Variants in DLG5 observed in about 807,000 individuals in gnomAD.
DLG5 encodes discs large MAGUK scaffold protein 5.
DLG5 carries 48 observed loss-of-function variants against 189.8 expected under a neutral mutation model. The observed-to-expected ratio is 0.25, with a 90% CI of 0.20 to 0.32. The LOEUF (loss-of-function observed/expected upper bound fraction) is 0.32. Among genes scored for constraint, DLG5 ranks in the 10% least tolerant of loss-of-function variants. The probability of loss-of-function intolerance (pLI) is 1.00; values close to 1 mark genes in which losing one functional copy is unlikely to be tolerated. For synonymous variants in DLG5, 1,016 were observed against 1,054.1 expected, an observed-to-expected ratio of 0.96 and a Z score of 0.70; for missense variants, 2,160 against 2,544.7, an observed-to-expected ratio of 0.85 and a Z score of 3.25.
intron 27 of DLG5, among the ~76,000 whole-genome samples, chr10:77,801,672 C>T (rs1841212160): frequency 6.6e-6 from 1 of 152,178 alleles, no homozygotes; most frequent in South Asian, 2.1e-4. Context: ...AAGTTTCTTT[C>T]TGAGAAAGGA....
chr10:77,806,718 A>AG, intron 26 of DLG5, 40 bp downstream of exon 26: 11 of 1,333,644 alleles, frequency 8.2e-6, no homozygotes, highest in East Asian at 4.7e-5. Flanking sequence ...GCCCTCGGCG[A>AG]CCCCTGCCCC....
chr10:77,878,576 C>T (rs535583202), intron 1 of DLG5, among the ~76,000 whole-genome samples: 36 of 152,246 alleles, frequency 2.4e-4, no homozygotes, highest in Middle Eastern at 3.4e-3. Context: ...GCATTGAGTA[C>T]TCTGTATACT....
intron 15 of DLG5, 75 bp downstream of exon 15, chr10:77,821,007 C>T: frequency 6.6e-7 from 1 of 1,518,606 alleles, no homozygotes. Flanking sequence ...TGGTGCAGGG[C>T]CACTTAGCAG....
intron 2 of DLG5, among the ~76,000 whole-genome samples, chr10:77,857,619 C>T (rs1055724053): frequency 2.0e-5 from 3 of 152,214 alleles, no homozygotes; most frequent in African/African-American, 7.2e-5. Flanking sequence ...TACAGGGAGC[C>T]CCACACCTTA....
At chr10:77,916,378 C>T (rs1002949831) in intron 1 of DLG5, among the ~76,000 whole-genome samples, 1 of 152,042 alleles carries the variant, frequency 6.6e-6, no homozygotes, top group African/African-American at 2.4e-5. Flanking sequence ...GCAGCCTCTG[C>T]CTCATGGGTT....
At chr10:77,861,202 C>T (rs918292306) in intron 2 of DLG5, among the ~76,000 whole-genome samples, 1 of 152,176 alleles carries the variant, frequency 6.6e-6, no homozygotes, top group African/African-American at 2.4e-5. Context: ...ATCCTAGTAT[C>T]ATTATGAAAA....
intron 14 of DLG5, among the ~76,000 whole-genome samples, chr10:77,822,601 C>A (rs998446934): frequency 1.3e-5 from 2 of 152,146 alleles, no homozygotes; most frequent in African/African-American, 2.4e-5. Flanking sequence ...TAAGATCACG[C>A]CACTGCACTC....
At chr10:77,854,071 C>T (rs1035300294) in intron 4 of DLG5, among the ~76,000 whole-genome samples, 156 bp downstream of exon 4, 3 of 152,212 alleles carry the variant, frequency 2.0e-5, no homozygotes, top group African/African-American at 7.2e-5. Context: ...AAACTGAGGC[C>T]CAAAGGCACA....
At chr10:77,895,424 G>T (rs1331457479) in intron 1 of DLG5, among the ~76,000 whole-genome samples, 1 of 152,136 alleles carries the variant, frequency 6.6e-6, no homozygotes, top group Non-Finnish European at 1.5e-5. Flanking sequence ...GATGCTACTG[G>T]TTTTTCTCTG....
In DLG5 at chr10:77,910,670, T is replaced by C. The variant is rs575261520; in HGVS notation, c.304+15547A>G. Among the ~76,000 whole-genome samples the C allele has an allele frequency of 7.9e-5, 12 of 152,282 alleles. No homozygotes were observed. In the South Asian group the frequency reaches 1.9e-3, roughly 24 times the overall value. ...TTCCAGCCATGGCATTCAACAATCA[T>C]AGGCTCCTTAAGAAATGTAGGCCGG... On this transcript the variant is annotated intron_variant, in intron 1 of 31. Coordinates refer to ENST00000372391, the MANE Select transcript of DLG5 (RefSeq NM_004747.4).
At chr10:77,857,777 C>G (rs1443120619) in intron 2 of DLG5, among the ~76,000 whole-genome samples, 1 of 152,192 alleles carries the variant, frequency 6.6e-6, no homozygotes, top group East Asian at 1.9e-4. Context: ...TACCTGATAT[C>G]TCAATCAACC....
At chr10:77,870,012 C>T (rs1844836179) in intron 1 of DLG5, among the ~76,000 whole-genome samples, 3 of 151,950 alleles carry the variant, frequency 2.0e-5, no homozygotes, top group Admixed American at 1.3e-4. Flanking sequence ...TACCCCATCC[C>T]CCATCCCCCA....
chr10:77,850,900 A>C (rs866686668), intron 5 of DLG5, among the ~76,000 whole-genome samples: 4 of 152,304 alleles, frequency 2.6e-5, no homozygotes, highest in Middle Eastern at 3.4e-3. Flanking sequence ...AGCCACATAC[A>C]CCTCTGAAAT....
chr10:77,915,907 A>C (rs1846343683), intron 1 of DLG5, among the ~76,000 whole-genome samples: 1 of 152,228 alleles, frequency 6.6e-6, no homozygotes, highest in East Asian at 1.9e-4. Context: ...TGGCTGCCAG[A>C]TATGAATGCC....
At chr10:77,854,999 CTAAATAAA>C (rs528937210) in intron 3 of DLG5, among the ~76,000 whole-genome samples, 11 of 151,848 alleles carry the variant, frequency 7.2e-5, no homozygotes, top group South Asian at 4.2e-4. Flanking sequence ...AAAATAATTA[CTAAATAAA>C]TAAATAAATA....
At chr10:77,864,102 C>T (rs1315496176) in intron 2 of DLG5, among the ~76,000 whole-genome samples, 2 of 152,092 alleles carry the variant, frequency 1.3e-5, no homozygotes, top group Non-Finnish European at 2.9e-5. Context: ...CCTTCAGTTG[C>T]CCTGGCTGCT....
intron 26 of DLG5, 200 bp from the exon 27 acceptor site, chr10:77,806,061 C>A (rs970292229): frequency 5.7e-6 from 3 of 530,278 alleles, no homozygotes; most frequent in Non-Finnish European, 9.9e-6. Flanking sequence ...AACACCAGCA[C>A]CAGGGCAAGC....
intron 7 of DLG5, among the ~76,000 whole-genome samples, chr10:77,839,218 T>TGGCCA (rs1843300828): frequency 6.6e-6 from 1 of 152,204 alleles, no homozygotes; most frequent in Non-Finnish European, 1.5e-5. Context: ...TCTCAAAACT[T>TGGCCA]GGCCAGGCGC....
At chr10:77,801,344 C>G (rs57190032) in intron 27 of DLG5, among the ~76,000 whole-genome samples, 1,577 of 152,056 alleles carry the variant, frequency 0.01, 28 homozygotes, top group African/African-American at 0.036. Flanking sequence ...ATGGATGCAA[C>G]AGAAGAGTGG....
Sources: allele counts gnomAD v4.1 joint callset (sites outside exome capture counted in the v4.1 genomes callset), GRCh38; gene constraint gnomAD v4.1.1; transcripts MANE v1.5; gene names NCBI Gene and HGNC (gene_info 2026-07-23, HGNC 2026-07-21).